Variants in ZNF804A observed in about 807,000 individuals in gnomAD.
ZNF804A encodes zinc finger protein 804A.
ZNF804A carries 2 observed loss-of-function variants against 16.5 expected under a neutral mutation model. That is an observed-to-expected ratio of 0.12 (90% confidence interval 0.05 to 0.38). ZNF804A has a LOEUF of 0.38. ZNF804A is among the 10% of genes least tolerant of loss of function. The pLI, the probability that ZNF804A is intolerant of heterozygous loss-of-function variation, is 0.99. For synonymous variants in ZNF804A, 534 were observed against 489.6 expected (o/e 1.09, Z -1.20); for missense variants, 1,473 against 1,390.7 (o/e 1.06, Z -0.94).
At chr2:184,873,095 G>T (rs1013208650) in intron 2 of ZNF804A, among the ~76,000 whole-genome samples, 1 of 152,160 alleles carries the variant, frequency 6.6e-6, no homozygotes, top group Non-Finnish European at 1.5e-5. Flanking sequence ...ATCAATGTCA[G>T]ATGAAGAGTT....
In ZNF804A at chr2:184,630,198, T is replaced by C. The variant is rs565656853; in HGVS notation, c.111+31128T>C. ...TGGCTTGTTACATTCCTAAGTAATA[T>C]TTTATTTTCTTCTATATTTACAGTC... On this transcript the variant is annotated intron_variant, in intron 1 of 3. Coordinates refer to ENST00000302277, the MANE Select transcript of ZNF804A (RefSeq NM_194250.2). Among the ~76,000 whole-genome samples the C allele has an allele frequency of 3.0e-4, 45 of 152,266 alleles. No homozygotes were observed. In the South Asian group the frequency reaches 9.1e-3, roughly 31 times the overall value.
chr2:184,842,478 G>C (rs1172999093), intron 1 of ZNF804A, among the ~76,000 whole-genome samples: 3 of 150,722 alleles, frequency 2.0e-5, no homozygotes, highest in African/African-American at 7.3e-5. Flanking sequence ...ACCTTATTTT[G>C]TCCTCAGCAA....
chr2:184,785,167 G>A (rs1694428585), intron 1 of ZNF804A, among the ~76,000 whole-genome samples: 1 of 151,846 alleles, frequency 6.6e-6, no homozygotes, highest in Admixed American at 6.6e-5. Flanking sequence ...ATCTACAAAT[G>A]GCCTACCCTC....
intron 2 of ZNF804A, among the ~76,000 whole-genome samples, chr2:184,901,817 A>G (rs1056214758): frequency 6.6e-6 from 1 of 151,934 alleles, no homozygotes; most frequent in African/African-American, 2.4e-5. Flanking sequence ...AGAAATTGTT[A>G]GATAATAATA....
intron 2 of ZNF804A, among the ~76,000 whole-genome samples, chr2:184,932,563 G>A (rs553358210): frequency 5.3e-5 from 8 of 152,230 alleles, no homozygotes; most frequent in East Asian, 3.9e-4. Flanking sequence ...CGCACCACAC[G>A]TGGGAATTAT....
At chr2:184,774,814 A>C (rs2105770660) in intron 1 of ZNF804A, among the ~76,000 whole-genome samples, 1 of 151,902 alleles carries the variant, frequency 6.6e-6, no homozygotes. Flanking sequence ...GAAATCAAAG[A>C]GTGGGAAAGC....
chr2:184,656,247 C>G (rs1368787453), intron 1 of ZNF804A, among the ~76,000 whole-genome samples: 1 of 152,114 alleles, frequency 6.6e-6, no homozygotes, highest in East Asian at 1.9e-4. Flanking sequence ...GATATTTTCT[C>G]TGGAACCTCA....
At chr2:184,623,861 A>G (rs1247894312) in intron 1 of ZNF804A, among the ~76,000 whole-genome samples, 5 of 152,184 alleles carry the variant, frequency 3.3e-5, no homozygotes, top group Non-Finnish European at 5.9e-5. Flanking sequence ...TTAAGCACAA[A>G]TCATCCTTAC....
At chr2:184,733,500 T>A (rs540074879) in intron 1 of ZNF804A, among the ~76,000 whole-genome samples, 38 of 152,282 alleles carry the variant, frequency 2.5e-4, no homozygotes, top group African/African-American at 8.9e-4. Context: ...CTTATCTTTG[T>A]CTGATTTTGG....
chr2:184,786,829 A>G (rs1694455814), intron 1 of ZNF804A, among the ~76,000 whole-genome samples: 1 of 151,988 alleles, frequency 6.6e-6, no homozygotes, highest in African/African-American at 2.4e-5. Flanking sequence ...CTTTAGATTA[A>G]GTAACTTTAT....
chr2:184,790,075 G>T (rs935834180), intron 1 of ZNF804A, among the ~76,000 whole-genome samples: 1 of 151,054 alleles, frequency 6.6e-6, no homozygotes, highest in Non-Finnish European at 1.5e-5. Context: ...TTATTTCATT[G>T]TTTACTCCAA....
intron 1 of ZNF804A, among the ~76,000 whole-genome samples, chr2:184,651,765 A>C (rs754381895): frequency 6.6e-6 from 1 of 152,004 alleles, no homozygotes; most frequent in Non-Finnish European, 1.5e-5. Context: ...ACTCAGAATA[A>C]GTATTATCAA....
intron 1 of ZNF804A, among the ~76,000 whole-genome samples, chr2:184,821,805 G>GA (rs1417102800): frequency 1.3e-5 from 2 of 151,886 alleles, no homozygotes; most frequent in South Asian, 2.1e-4. Flanking sequence ...CAACAAACAT[G>GA]AAAAAAAGCA....
chr2:184,763,195 C>T (rs570344840), intron 1 of ZNF804A, among the ~76,000 whole-genome samples: 2 of 152,094 alleles, frequency 1.3e-5, no homozygotes, highest in East Asian at 3.9e-4. Context: ...ACCCTTAATA[C>T]CTTACAATGT....
chr2:184,868,162 C>G (rs1215831786), intron 2 of ZNF804A, among the ~76,000 whole-genome samples: 2 of 151,970 alleles, frequency 1.3e-5, no homozygotes, highest in Non-Finnish European at 2.9e-5. Flanking sequence ...TGATCAAATC[C>G]TAAAAACAGC....
chr2:184,689,511 C>T (rs184771889), intron 1 of ZNF804A, among the ~76,000 whole-genome samples: 1 of 151,954 alleles, frequency 6.6e-6, no homozygotes, highest in Admixed American at 6.6e-5. Flanking sequence ...TTGGTAAGAA[C>T]ATATATTTGA....
chr2:184,887,755 C>A (rs113993502), intron 2 of ZNF804A, among the ~76,000 whole-genome samples: 3 of 152,230 alleles, frequency 2.0e-5, no homozygotes, highest in African/African-American at 7.2e-5. Flanking sequence ...AATTACCTCC[C>A]CCTTGGTCCC....
rs1252408884 is a variant in ZNF804A at position 184,598,611 on chromosome 2, G to C, written c.-349G>C. 2 of 169,390 alleles carry C rather than the reference G, an allele frequency of 1.2e-5. No individual in the cohort carries two copies. The highest frequency in any genetic ancestry group is 1.3e-4 in the Admixed American group (2 of 15,670). 10.5% of individuals were successfully genotyped at this position (169,390 alleles called of 1,614,324 possible). On this transcript the variant is annotated 5_prime_UTR_variant, in exon 1 of 4. Coordinates refer to ENST00000302277, the MANE Select transcript of ZNF804A (RefSeq NM_194250.2). ...CCGCGCGGGCGGCTCCCGCAGCCCC[G>C]CTCCGCCCGGCCACCGCGCGGGCAC... is the stretch of plus-strand genomic sequence containing the variant.
chr2:184,772,349 AG>A (rs1694229057), intron 1 of ZNF804A, among the ~76,000 whole-genome samples: 1 of 150,546 alleles, frequency 6.6e-6, no homozygotes, highest in Non-Finnish European at 1.5e-5. Flanking sequence ...CCATCTCTAT[AG>A]GTTGCCTATT....
Sources: gnomAD v4.1 joint callset for allele counts (sites outside exome capture counted in the v4.1 genomes callset) on GRCh38, gnomAD v4.1.1 for gene constraint, MANE v1.5 for transcripts, NCBI Gene and HGNC (gene_info 2026-07-23, HGNC 2026-07-21) for gene names.